Variants in GSG1L observed in about 807,000 individuals in gnomAD.
The protein encoded by GSG1L is germ cell-specific gene 1-like protein.
GSG1L carries 24 observed loss-of-function variants against 42.1 expected under a neutral mutation model. The observed-to-expected ratio is 0.57, with a 90% CI of 0.41 to 0.80. The LOEUF is 0.80. GSG1L is among the 30% of genes least tolerant of loss of function. The probability of loss-of-function intolerance (pLI) is 0.00; values close to 1 mark genes in which losing one functional copy is unlikely to be tolerated. For synonymous variants in GSG1L, 215 were observed against 203.5 expected (o/e 1.06, Z -0.48); for missense variants, 445 against 472.2 (o/e 0.94, Z 0.53).
intron 1 of GSG1L, among the ~76,000 whole-genome samples, chr16:28,021,084 C>G (rs1385026978): frequency 6.6e-6 from 1 of 152,186 alleles, no homozygotes; most frequent in Non-Finnish European, 1.5e-5. Flanking sequence ...TCCTTTCTCA[C>G]ATGGCTATAA....
At chr16:27,978,191 T>C (rs2085272531) in intron 1 of GSG1L, among the ~76,000 whole-genome samples, 1 of 152,180 alleles carries the variant, frequency 6.6e-6, no homozygotes, top group Admixed American at 6.5e-5. Flanking sequence ...GGGTCACAGC[T>C]GCCTCACTCT....
At chr16:27,942,288 T>C (rs1401484276) in intron 2 of GSG1L, among the ~76,000 whole-genome samples, 1 of 152,298 alleles carries the variant, frequency 6.6e-6, no homozygotes, top group Non-Finnish European at 1.5e-5. Flanking sequence ...TAGCTGGGAC[T>C]ACAGGTGCTG....
At chr16:27,916,880 T>G (rs1459910102) in intron 2 of GSG1L, among the ~76,000 whole-genome samples, 16 of 25,696 alleles carry the variant, frequency 6.2e-4, no homozygotes. Context: ...AATCACTCAA[T>G]GCAAAAAAAA....
intron 1 of GSG1L, among the ~76,000 whole-genome samples, chr16:27,994,360 C>T (rs1596683297): frequency 6.6e-6 from 1 of 152,240 alleles, no homozygotes; most frequent in East Asian, 1.9e-4. Flanking sequence ...TCATAGGGAA[C>T]AATTCTCCCT....
At chr16:27,899,855 T>A (rs1405488277) in intron 2 of GSG1L, among the ~76,000 whole-genome samples, 2 of 152,068 alleles carry the variant, frequency 1.3e-5, no homozygotes, top group African/African-American at 4.8e-5. Flanking sequence ...AAAGAAAAAA[T>A]CCTCAGCTGC....
intron 2 of GSG1L, 79 bp downstream of exon 2, chr16:27,963,077 G>T: frequency 8.2e-7 from 1 of 1,222,628 alleles, no homozygotes; most frequent in Non-Finnish European, 1.2e-6. Flanking sequence ...CTATCACAGG[G>T]CTTTGGGGAG....
Position 27,884,353 on chromosome 16 carries a change from C to T in GSG1L, c.550+133G>A, listed in dbSNP as rs919738724. 23 of 803,360 alleles carry T rather than the reference C, an allele frequency of 2.9e-5. No individual in the cohort carries two copies. The highest frequency in any genetic ancestry group is 8.2e-5 in the East Asian group (3 of 36,784). 49.8% of individuals were successfully genotyped at this position (803,360 alleles called of 1,614,324 possible). Reference sequence around the variant, plus strand: ...ATATGCATTGGTCATTTTTTACAAACGATAAAACTGAGGCTCACAGAAGAG... The same window carrying T: ...ATATGCATTGGTCATTTTTTACAAATGATAAAACTGAGGCTCACAGAAGAG... On this transcript the variant is annotated intron_variant, in intron 3 of 6. Transcript: ENST00000447459. The surrounding 1 kb of genome is among the most constrained non-coding windows in gnomAD (Gnocchi z 4.4).
At chr16:27,935,105 G>A (rs887184906) in intron 2 of GSG1L, among the ~76,000 whole-genome samples, 9 of 152,328 alleles carry the variant, frequency 5.9e-5, no homozygotes, top group African/African-American at 2.2e-4. Context: ...ACGGTCCAGG[G>A]AGGTTTCTCC....
chr16:27,989,509 G>A lies in GSG1L; in HGVS notation c.350-26306C>T, dbSNP rs553295023. Among the ~76,000 whole-genome samples, 539 of 152,284 alleles carry A rather than the reference G, an allele frequency of 3.5e-3. 1 individual carries two copies. Among genetic ancestry groups the A allele is most frequent in the African/African-American group, 0.012 (502 of 41,554 alleles). ...AATCCCAGCACTTTGGGAGGCCAAGGCAGGTGGATCACCTGAGGTCAGGAG... is the reference window on the plus strand; with the variant it reads ...AATCCCAGCACTTTGGGAGGCCAAGACAGGTGGATCACCTGAGGTCAGGAG... On this transcript the variant is annotated intron_variant, in intron 1 of 6. Coordinates refer to ENST00000447459, the MANE Select transcript of GSG1L (RefSeq NM_001109763.2).
chr16:27,926,160 T>C (rs1356226124), intron 2 of GSG1L, among the ~76,000 whole-genome samples: 1 of 152,182 alleles, frequency 6.6e-6, no homozygotes, highest in African/African-American at 2.4e-5. Flanking sequence ...ATGCAGGGCA[T>C]GAGAAGTCAT....
At chr16:27,804,044 T>TAGATAC (rs143785977) in intron 6 of GSG1L, among the ~76,000 whole-genome samples, 3,440 of 131,080 alleles carry the variant, frequency 0.026, 90 homozygotes, top group African/African-American at 0.073. Flanking sequence ...GATGGATAGA[T>TAGATAC]AGATAGATAG....
chr16:27,855,326 G>A (rs2083564056), intron 3 of GSG1L, among the ~76,000 whole-genome samples: 3 of 152,188 alleles, frequency 2.0e-5, no homozygotes, highest in Admixed American at 6.5e-5. Context: ...GTGAGTCCAG[G>A]AGTAGAGTCC....
intron 2 of GSG1L, among the ~76,000 whole-genome samples, chr16:27,946,343 G>A (rs1394018387): frequency 6.6e-6 from 1 of 151,882 alleles, no homozygotes; most frequent in African/African-American, 2.4e-5. Flanking sequence ...TCAGGAATTC[G>A]AGACCAGCCT....
intron 4 of GSG1L, among the ~76,000 whole-genome samples, chr16:27,832,766 A>G (rs705923): frequency 0.43 from 65,465 of 152,118 alleles, 15,066 homozygotes; most frequent in African/African-American, 0.58. Flanking sequence ...ATCCTCTTTG[A>G]CAAAATGTCT....
chr16:27,834,185 C>G (rs903278995), intron 4 of GSG1L, among the ~76,000 whole-genome samples: 1 of 152,080 alleles, frequency 6.6e-6, no homozygotes, highest in African/African-American at 2.4e-5. Context: ...TTTTCTGTAT[C>G]AATTAATATG....
chr16:28,007,804 C>T (rs1372489252), intron 1 of GSG1L, among the ~76,000 whole-genome samples: 1 of 152,120 alleles, frequency 6.6e-6, no homozygotes, highest in Non-Finnish European at 1.5e-5. Flanking sequence ...GCTTGAGCCA[C>T]CATGCCCAGC....
At chr16:28,028,277 G>A (rs900628861) in intron 1 of GSG1L, among the ~76,000 whole-genome samples, 2 of 152,064 alleles carry the variant, frequency 1.3e-5, no homozygotes, top group Admixed American at 6.5e-5. Flanking sequence ...GCCTAGACCC[G>A]TGCCAGGCAG....
intron 3 of GSG1L, among the ~76,000 whole-genome samples, chr16:27,879,497 C>A (rs1022077289): frequency 3.3e-5 from 5 of 152,150 alleles, no homozygotes; most frequent in Non-Finnish European, 5.9e-5. Flanking sequence ...CACCTGTAGT[C>A]CCAGTTAGTC....
chr16:27,919,246 A>G (rs1347530744), intron 2 of GSG1L, among the ~76,000 whole-genome samples: 3 of 152,208 alleles, frequency 2.0e-5, no homozygotes, highest in Non-Finnish European at 4.4e-5. Context: ...AGAAGGTTCC[A>G]GGGCATGGGG....
Sources: gnomAD v4.1 joint callset for allele counts (sites outside exome capture counted in the v4.1 genomes callset) on GRCh38, gnomAD v4.1.1 for gene constraint, Gnocchi (gnomAD v3.1) non-coding constraint, MANE v1.5 for transcripts, NCBI Gene and HGNC (gene_info 2026-07-23, HGNC 2026-07-21) for gene names.